PRR5L: variants seen among roughly 807,000 people sequenced by gnomAD.
The protein encoded by PRR5L is proline-rich protein 5-like.
In PRR5L, 21 loss-of-function variants were observed where a neutral mutation model predicts 36.4. The ratio of observed to expected loss-of-function variants is 0.58; its 90% CI spans 0.41 to 0.83. The LOEUF is 0.83. Ranked by LOEUF, PRR5L falls within the 40% of genes least tolerant of loss-of-function variation. The pLI is 0.00. For missense variants in PRR5L, 381 were observed against 473.3 expected (o/e 0.80, Z 1.81); for synonymous variants, 188 against 197.0 (o/e 0.95, Z 0.38).
intron 7 of PRR5L, among the ~76,000 whole-genome samples, chr11:36,446,687 G>T (rs928994025): frequency 4.6e-5 from 7 of 152,190 alleles, no homozygotes; most frequent in Admixed American, 1.3e-4. Flanking sequence ...GGGAAGCATA[G>T]TCTTTCATTC....
intron 1 of PRR5L, among the ~76,000 whole-genome samples, chr11:36,351,349 AATAAATATAT>A (rs1359967579): frequency 2.4e-5 from 2 of 83,660 alleles, no homozygotes; most frequent in Non-Finnish European, 3.9e-5. Context: ...TATAATATAT[AATAAATATAT>A]ATAAATATAT....
At chr11:36,351,749 TTA>T (rs1402136322) in intron 1 of PRR5L, among the ~76,000 whole-genome samples, 3 of 55,200 alleles carry the variant, frequency 5.4e-5, no homozygotes, top group African/African-American at 2.4e-4. Flanking sequence ...TATATATAAT[TTA>T]TATATATTTA....
chr11:36,388,590 A>G (rs908655410), intron 1 of PRR5L, among the ~76,000 whole-genome samples: 3 of 152,176 alleles, frequency 2.0e-5, no homozygotes, highest in African/African-American at 7.2e-5. Context: ...ACGCACATGC[A>G]GTGAAAAGGG....
At chr11:36,450,519 A>C (rs1250121795) in intron 7 of PRR5L, among the ~76,000 whole-genome samples, 2 of 152,182 alleles carry the variant, frequency 1.3e-5, no homozygotes, top group African/African-American at 4.8e-5. Context: ...CTCAGGGCTT[A>C]GCTCTGAGGA....
At chr11:36,415,192 C>T (rs1022671219) in intron 3 of PRR5L, among the ~76,000 whole-genome samples, 7 of 151,992 alleles carry the variant, frequency 4.6e-5, no homozygotes, top group Non-Finnish European at 8.8e-5. Context: ...CTTGGTGATG[C>T]GGGCTCTTTT....
At chr11:36,424,910 C>T (rs974958690) in intron 4 of PRR5L, among the ~76,000 whole-genome samples, 1 of 152,154 alleles carries the variant, frequency 6.6e-6, no homozygotes, top group African/African-American at 2.4e-5. Flanking sequence ...CAACCTCCGC[C>T]TCCCGGATTC....
intron 8 of PRR5L, among the ~76,000 whole-genome samples, chr11:36,453,311 T>G (rs1858982192): frequency 6.6e-6 from 1 of 152,226 alleles, no homozygotes; most frequent in East Asian, 1.9e-4. Flanking sequence ...AAGAGGCATA[T>G]TTTGTGGTGG....
chr11:36,455,758 C>T (rs761435815), intron 8 of PRR5L, among the ~76,000 whole-genome samples: 41 of 152,296 alleles, frequency 2.7e-4, no homozygotes, highest in Non-Finnish European at 4.9e-4. Context: ...CCGGGCCTGG[C>T]GTTCAGTTTT....
At chr11:36,309,058 T>C (rs186328750) in intron 1 of PRR5L, among the ~76,000 whole-genome samples, 310 of 152,330 alleles carry the variant, frequency 2.0e-3, no homozygotes, top group African/African-American at 7.3e-3. Context: ...TTTGAGGGCA[T>C]TCAGCAAAGT....
At position 36,376,345 on chromosome 11, in the gene PRR5L, AGAGGAGGAG is replaced by A. The variant is rs145114661; in HGVS notation, c.-125-24629_-125-24621del. 3,873 of 879,540 alleles carry A rather than the reference AGAGGAGGAG, an allele frequency of 4.4e-3. 1 individual carries two copies. The highest frequency in any genetic ancestry group is 6.5e-3 in the South Asian group (256 of 39,292). 54.5% of individuals were successfully genotyped at this position (879,540 alleles called of 1,614,324 possible). On this transcript the variant is annotated intron_variant, in intron 1 of 8. Coordinates refer to ENST00000530639, the MANE Select transcript of PRR5L (RefSeq NM_001160167.2). ...AGGGGGAGAAGGGGGAGGAGGAGGA[AGAGGAGGAG>A]GAGGAGGAGGAGGAGGAGGAGGCGG...
At chr11:36,364,526 A>G (rs1857125081) in intron 1 of PRR5L, among the ~76,000 whole-genome samples, 1 of 152,184 alleles carries the variant, frequency 6.6e-6, no homozygotes, top group Non-Finnish European at 1.5e-5. Context: ...TAGGATGGTC[A>G]TGGAGAATGA....
At chr11:36,338,115 T>C (rs1285008112) in intron 1 of PRR5L, among the ~76,000 whole-genome samples, 1 of 152,212 alleles carries the variant, frequency 6.6e-6, no homozygotes, top group East Asian at 1.9e-4. Flanking sequence ...ATACAGTCTA[T>C]GCTAGGAAAA....
intron 1 of PRR5L, among the ~76,000 whole-genome samples, chr11:36,350,353 C>T (rs542038187): frequency 1.2e-4 from 18 of 150,116 alleles, no homozygotes; most frequent in African/African-American, 3.4e-4. Flanking sequence ...ATGTGTGTGC[C>T]GGGGAGGAGG....
chr11:36,327,264 T>C (rs982339317), intron 1 of PRR5L, among the ~76,000 whole-genome samples: 2 of 152,164 alleles, frequency 1.3e-5, no homozygotes, highest in Admixed American at 1.3e-4. Flanking sequence ...AGGGTAAACC[T>C]GAAAAACTAG....
intron 3 of PRR5L, among the ~76,000 whole-genome samples, chr11:36,405,318 T>C (rs1465852412): frequency 6.6e-6 from 1 of 152,268 alleles, no homozygotes; most frequent in Non-Finnish European, 1.5e-5. Context: ...GAAATTGAGA[T>C]GTTTATGTAA....
chr11:36,430,053 A>G (rs1363352125), intron 4 of PRR5L, among the ~76,000 whole-genome samples: 1 of 152,056 alleles, frequency 6.6e-6, no homozygotes, highest in Non-Finnish European at 1.5e-5. Flanking sequence ...TCCTTTAACA[A>G]AGTTGGTGTA....
chr11:36,350,231 G>T (rs1014811033), intron 1 of PRR5L, among the ~76,000 whole-genome samples: 1 of 147,838 alleles, frequency 6.8e-6, no homozygotes, highest in Non-Finnish European at 1.5e-5. Flanking sequence ...GTGTGTGGGG[G>T]GTATAAGTGA....
chr11:36,300,938 C>G (rs1856369139), intron 1 of PRR5L: 1 of 152,298 alleles, frequency 6.6e-6, no homozygotes. Context: ...TTTCTGTTCA[C>G]CCACTCAGCA....
At chr11:36,328,003 G>A (rs11033555) in intron 1 of PRR5L, among the ~76,000 whole-genome samples, 4,069 of 152,268 alleles carry the variant, frequency 0.027, 85 homozygotes, top group Non-Finnish European at 0.041. Context: ...GTTGTCACAG[G>A]TCATGGTCCT....
Sources: gnomAD v4.1 joint callset for allele counts (sites outside exome capture counted in the v4.1 genomes callset) on GRCh38, gnomAD v4.1.1 for gene constraint, MANE v1.5 for transcripts, NCBI Gene and HGNC (gene_info 2026-07-23, HGNC 2026-07-21) for gene names.